The following GNPAT variants were observed in gnomAD, a reference collection of about 807,000 sequenced individuals.
GNPAT encodes the protein dihydroxyacetone phosphate acyltransferase.
A neutral mutation model predicts 78.4 loss-of-function variants in GNPAT; 30 were observed. That is an observed-to-expected ratio of 0.38 (90% CI 0.29 to 0.52). GNPAT has a LOEUF of 0.52. Among genes scored for constraint, GNPAT ranks in the 20% least tolerant of loss-of-function variants. The pLI, the probability that GNPAT is intolerant of heterozygous loss-of-function variation, is 0.84. For synonymous variants in GNPAT, 271 were observed against 281.1 expected (o/e 0.96, Z 0.36); for missense variants, 714 against 812.2 (o/e 0.88, Z 1.47).
chr1:231,274,107 TATA>T (rs1278335119), intron 12 of GNPAT, 45 bp downstream of exon 12: 1 of 1,536,736 alleles, frequency 6.5e-7, no homozygotes, highest in Non-Finnish European at 9.0e-7. Flanking sequence ...CCATATCAAA[TATA>T]ATAAGACATT....
chr1:231,253,915 T>C (rs909036093), intron 2 of GNPAT, among the ~76,000 whole-genome samples: 3 of 152,216 alleles, frequency 2.0e-5, no homozygotes, highest in Admixed American at 6.5e-5. Flanking sequence ...TGGTCTGGGA[T>C]AGGACCCAGG....
chr1:231,275,447 A>C lies in GNPAT; in HGVS notation c.1886A>C (p.Lys629Thr). 1 of 1,612,878 alleles carries C rather than the reference A, an allele frequency of 6.2e-7. No individual in the cohort carries two copies. Among genetic ancestry groups the C allele is most frequent in the Non-Finnish European group, 8.5e-7 (1 of 1,178,808 alleles). ...GATGTATTATCTTCTGATGTGCAGAAAAACGCCTTAGCAGCCTGTGTGAGG... is the reference window on the plus strand; with the variant it reads ...GATGTATTATCTTCTGATGTGCAGACAAACGCCTTAGCAGCCTGTGTGAGG... ...CYDVLSSDVQ[K>T]NALAACVRLG... is the part of the protein sequence containing the mutation. The change falls in exon 14 of 16, where the codon AAA becomes ACA. Residue 629 changes from lysine to threonine, a missense_variant. Physicochemically the swap from Lys to Thr is moderately conservative, Grantham distance 78. Coordinates refer to ENST00000366647, the MANE Select transcript of GNPAT (RefSeq NM_014236.4).
At chr1:231,246,310 T>G (rs1684746116) in intron 1 of GNPAT, among the ~76,000 whole-genome samples, 1 of 152,248 alleles carries the variant, frequency 6.6e-6, no homozygotes, top group Non-Finnish European at 1.5e-5. Context: ...ATACTACTGG[T>G]GGTATCACTA....
At chr1:231,253,238 GGA>G (rs1684949799) in intron 2 of GNPAT, among the ~76,000 whole-genome samples, 2 of 152,180 alleles carry the variant, frequency 1.3e-5, no homozygotes, top group Non-Finnish European at 2.9e-5. Flanking sequence ...CAAAGTGCTG[GGA>G]TTACAGGCGT....
rs10693276 is a variant in GNPAT, at chr1:231,256,479, CTT to C, written c.262-4004_262-4003del. ...CAGTCACTAAGACTGCTAATTTTCTCTTTTTTTTTTTTTTTTTTTTTTTTTGA... is the reference window on the plus strand; with the variant it reads ...CAGTCACTAAGACTGCTAATTTTCTCTTTTTTTTTTTTTTTTTTTTTTTGA... On this transcript the variant is annotated intron_variant, in intron 2 of 15. Coordinates refer to ENST00000366647, the MANE Select transcript of GNPAT (RefSeq NM_014236.4). Among the ~76,000 whole-genome samples, 3 of 75,916 alleles carry C rather than the reference CTT, an allele frequency of 4.0e-5. 1 individual carries two copies. Among genetic ancestry groups the C allele is most frequent in the Middle Eastern group, 0.029 (2 of 68 alleles). The allele number at this position is 75,916 out of a possible 152,430, so 49.8% of individuals were successfully genotyped here. A position where few individuals can be genotyped will look rare whatever the true frequency, so the allele number is the denominator to read the frequency against.
chr1:231,244,900 G>C (rs1684707974), intron 1 of GNPAT, among the ~76,000 whole-genome samples: 1 of 152,182 alleles, frequency 6.6e-6, no homozygotes, highest in African/African-American at 2.4e-5. Flanking sequence ...AGATGCAGAT[G>C]CCTTACTACA....
intron 8 of GNPAT, among the ~76,000 whole-genome samples, chr1:231,266,739 T>TA (rs369749654): frequency 3.7e-4 from 57 of 152,366 alleles, no homozygotes; most frequent in African/African-American, 1.3e-3. Context: ...ATTGGTAAGC[T>TA]AGCCAAAGTA....
At chr1:231,265,519 T>C in intron 5 of GNPAT, 99 bp downstream of exon 5, 1 of 1,118,150 alleles carries the variant, frequency 8.9e-7, no homozygotes. Context: ...CTTAGCTATT[T>C]TGCTTTCCCT....
chr1:231,264,884 G>A (rs867407050), intron 4 of GNPAT, among the ~76,000 whole-genome samples: 1 of 152,324 alleles, frequency 6.6e-6, no homozygotes, highest in Middle Eastern at 3.4e-3. Context: ...GCTCTAGCTG[G>A]CCTACTTGTA....
At chr1:231,267,199 G>T (rs922010317) in intron 8 of GNPAT, among the ~76,000 whole-genome samples, 1 of 152,168 alleles carries the variant, frequency 6.6e-6, no homozygotes, top group Non-Finnish European at 1.5e-5. Context: ...AGCCAGCTCT[G>T]TGCAGGCCTT....
At chr1:231,243,669 C>T (rs1684673922) in intron 1 of GNPAT, among the ~76,000 whole-genome samples, 1 of 151,970 alleles carries the variant, frequency 6.6e-6, no homozygotes. Flanking sequence ...GAAAACTGTC[C>T]TAGATGTTGA....
chr1:231,267,528 AG>A (rs2102819867), intron 8 of GNPAT, 151 bp from the exon 9 acceptor site: 1 of 699,984 alleles, frequency 1.4e-6, no homozygotes, highest in African/African-American at 1.7e-5. Flanking sequence ...ATTACACTAT[AG>A]TAAAGCAAAG....
rs1476683127 is a variant in GNPAT, at chr1:231,241,313, C to A, written c.-66C>A. The A allele has an allele frequency of 8.9e-6, 13 of 1,455,544 alleles. No homozygotes were observed. Among genetic ancestry groups the A allele is most frequent in the Non-Finnish European group, 1.3e-5 (13 of 1,035,338 alleles). The allele number at this position is 1,455,544 out of a possible 1,614,324, so 90.2% of individuals were successfully genotyped here. The stretch of plus-strand genomic sequence containing the variant: ...GGCCGTCCTGAGCGAAAGAACCGCC[C>A]CCAGCAGGAGCACCACCACGGCTTA... On this transcript the variant is annotated 5_prime_UTR_variant, in exon 1 of 16. Transcript: ENST00000366647.
At chr1:231,273,449 C>T (rs1685623106) in intron 11 of GNPAT, among the ~76,000 whole-genome samples, 1 of 151,952 alleles carries the variant, frequency 6.6e-6, no homozygotes, top group African/African-American at 2.4e-5. Context: ...GACGGGGTTT[C>T]ACTGTGTTAG....
chr1:231,269,956 A>C (rs1349338262), intron 9 of GNPAT: 1 of 152,256 alleles, frequency 6.6e-6, no homozygotes, highest in Non-Finnish European at 1.5e-5. Context: ...AGACAAGGCA[A>C]GTTGTTCAAG....
At chr1:231,261,557 G>C (rs1685226120) in intron 3 of GNPAT, among the ~76,000 whole-genome samples, 1 of 151,714 alleles carries the variant, frequency 6.6e-6, no homozygotes, top group Non-Finnish European at 1.5e-5. Flanking sequence ...TGACTGCCAG[G>C]TTTCTCTGCT....
rs149641223 is a variant in GNPAT, at chr1:231,277,544, A to G, written c.*2A>G. 8 of 1,551,346 alleles carry G rather than the reference A, an allele frequency of 5.2e-6. No individual in the cohort carries two copies. The African/African-American group carries it at 1.1e-4, about 21-fold the overall frequency. ...AAACCAGCCACTGCAAAACTTTAAT[A>G]ATCAACAAATAGTTATGGAAAATTC... On this transcript the variant is annotated 3_prime_UTR_variant, in exon 16 of 16. Coordinates refer to ENST00000366647, the MANE Select transcript of GNPAT (RefSeq NM_014236.4).
At position 231,260,538 on chromosome 1, in the gene GNPAT, T is replaced by C. The variant is rs1685194214; in HGVS notation, c.293T>C (p.Val98Ala). The stretch of plus-strand genomic sequence containing the variant: ...AAGGAATCCCTTCAATCTGTGGATG[T>C]CCTCCGAGAGGAAGTGAGTGAGATC... ...LSKESLQSVD[V>A]LREEVSEILD... The change falls in exon 3 of 16, where the codon GTC (valine) becomes GCC (alanine). Residue 98 changes from valine (V) to alanine (A), a missense_variant. Val to Ala is a moderately conservative substitution (Grantham distance 64, BLOSUM62 0). Transcript: ENST00000366647. 1.9e-6 allele frequency: 3 copies of C among 1,611,580 alleles called. No homozygotes were observed. The highest frequency in any genetic ancestry group is 2.5e-6 in the Non-Finnish European group (3 of 1,177,796).
intron 1 of GNPAT, among the ~76,000 whole-genome samples, chr1:231,247,355 C>A (rs116326926): frequency 3.9e-5 from 6 of 152,074 alleles, no homozygotes; most frequent in African/African-American, 7.2e-5. Flanking sequence ...GTATAGGACA[C>A]CTTATCTACC....
Sources: gnomAD v4.1 joint callset for allele counts (sites outside exome capture counted in the v4.1 genomes callset) on GRCh38, gnomAD v4.1.1 for gene constraint, MANE v1.5 for transcripts, NCBI Gene and HGNC (gene_info 2026-07-23, HGNC 2026-07-21) for gene names.